Variants in USP34 observed in about 807,000 individuals in gnomAD.
USP34 encodes ubiquitin specific peptidase 34, also known as ubiquitin carboxyl-terminal hydrolase 34.
In USP34, 70 loss-of-function variants were observed where a neutral mutation model predicts 460.3. The ratio of observed to expected loss-of-function variants is 0.15; its 90% CI spans 0.13 to 0.19. USP34 has a LOEUF of 0.19. Among genes scored for constraint, USP34 ranks in the 10% least tolerant of loss-of-function variants. The pLI, the probability that USP34 is intolerant of heterozygous loss-of-function variation, is 1.00. For synonymous variants in USP34, 1,647 were observed against 1,405.3 expected, an observed-to-expected ratio of 1.17 and a Z score of -3.85; for missense variants, 3,985 against 4,236.2, an observed-to-expected ratio of 0.94 and a Z score of 1.65.
In USP34 at chr2:61,190,411, G is replaced by C. The variant is rs1686601485; in HGVS notation, c.9733C>G (p.Gln3245Glu). 6.2e-7 allele frequency: 1 copy of C among 1,602,234 alleles called. No individual in the cohort carries two copies. The highest frequency in any genetic ancestry group is 8.5e-7 in the Non-Finnish European group (1 of 1,176,496). Residue 3245 changes from glutamine (Q) to glutamate (E), a missense_variant, in exon 78 of 80, where the codon CAA becomes GAA. This residue lies in a region of USP34 where 506 missense variants were observed against 439.0 expected (regional missense o/e 1.15). Coordinates refer to ENST00000398571, the MANE Select transcript of USP34 (RefSeq NM_014709.4). Reference protein sequence around the residue: ...TFMTHFLLKVQSQVFSEANCA... With the variant: ...TFMTHFLLKVESQVFSEANCA... ...TTTGCTTCAGAAAACACTTGACTTT[G>C]AACCTGAAAAAGAAGATTTAAAAAA...
intron 37 of USP34, among the ~76,000 whole-genome samples, chr2:61,282,808 A>T (rs1011984495): frequency 2.6e-5 from 4 of 152,278 alleles, no homozygotes; most frequent in African/African-American, 4.8e-5. Context: ...AAGAAAGAAA[A>T]AAAAAAGGCC....
intron 38 of USP34, 52 bp downstream of exon 38, chr2:61,281,038 G>T (rs1466412563): frequency 1.3e-6 from 2 of 1,568,992 alleles, no homozygotes; most frequent in South Asian, 1.2e-5. Flanking sequence ...GTAAACTGAG[G>T]CAAAGGAAAT....
chr2:61,289,488 ACTTT>A (rs1274493568), intron 33 of USP34, among the ~76,000 whole-genome samples: 1 of 152,116 alleles, frequency 6.6e-6, no homozygotes, highest in African/African-American at 2.4e-5. Flanking sequence ...ATAACAGTTC[ACTTT>A]CTTTAATTAG....
intron 5 of USP34, among the ~76,000 whole-genome samples, chr2:61,386,991 A>T (rs998822948): frequency 5.3e-5 from 8 of 152,300 alleles, no homozygotes; most frequent in African/African-American, 1.7e-4. Flanking sequence ...ATATCAAACA[A>T]AACACTTCTA....
At chr2:61,397,482 T>C (rs1007669158) in intron 3 of USP34, among the ~76,000 whole-genome samples, 40 of 146,938 alleles carry the variant, frequency 2.7e-4, no homozygotes, top group Non-Finnish European at 5.4e-4. Context: ...AAGACTGCTT[T>C]TGGCCAGGCC....
At position 61,365,080 on chromosome 2, in the gene USP34, C is replaced by T. The variant is rs1038225628; in HGVS notation, c.1251+5241G>A. ...CAGCCTGACCAACATGGTGAAATCC[C>T]GTCTCTACTAAAACTACAAAAATTA... On this transcript the variant is annotated intron_variant, in intron 10 of 79. Coordinates refer to ENST00000398571, the MANE Select transcript of USP34 (RefSeq NM_014709.4). Among the ~76,000 whole-genome samples, 9 of 152,014 alleles carry T rather than the reference C, an allele frequency of 5.9e-5. No individual in the cohort carries two copies. The South Asian group carries it at 1.0e-3, about 18-fold the overall frequency.
intron 2 of USP34, among the ~76,000 whole-genome samples, chr2:61,407,850 C>T (rs1693923286): frequency 6.6e-6 from 1 of 152,142 alleles, no homozygotes. Context: ...TGTGGTGGCT[C>T]ATGCCTGTAA....
At chr2:61,252,156 G>C (rs1025539142) in intron 48 of USP34, among the ~76,000 whole-genome samples, 1 of 152,122 alleles carries the variant, frequency 6.6e-6, no homozygotes, top group Non-Finnish European at 1.5e-5. Flanking sequence ...TTGGTTCAGA[G>C]TTTTCCTTTC....
At position 61,428,538 on chromosome 2, in the gene USP34, C is replaced by G. The variant is rs529837251; in HGVS notation, c.44-7705G>C. 3.2e-3 allele frequency among the ~76,000 whole-genome samples: 489 copies of G among 152,278 alleles called. 1 individual carries two copies. The highest frequency in any genetic ancestry group is 5.2e-3 in the Non-Finnish European group (355 of 68,030). On this transcript the variant is annotated intron_variant, in intron 1 of 79. Coordinates refer to ENST00000398571, the MANE Select transcript of USP34 (RefSeq NM_014709.4). ...ACCAACCCCATGGAAGAACACAACACAACCTATAAAACAGTCTTGCCAAGA... is the reference window on the plus strand; with the variant it reads ...ACCAACCCCATGGAAGAACACAACAGAACCTATAAAACAGTCTTGCCAAGA...
chr2:61,198,087 A>G (rs1042185457), intron 75 of USP34, among the ~76,000 whole-genome samples: 3 of 152,214 alleles, frequency 2.0e-5, no homozygotes, highest in Non-Finnish European at 4.4e-5. Flanking sequence ...TAATATTAAA[A>G]TAACTTATTA....
At chr2:61,254,546 C>T (rs1688669462) in intron 48 of USP34, among the ~76,000 whole-genome samples, 1 of 152,210 alleles carries the variant, frequency 6.6e-6, no homozygotes, top group Non-Finnish European at 1.5e-5. Context: ...TGCATTCGTT[C>T]TTAGTAACTA....
intron 75 of USP34, among the ~76,000 whole-genome samples, chr2:61,193,721 G>C (rs921416468): frequency 1.3e-5 from 2 of 152,078 alleles, no homozygotes; most frequent in African/African-American, 2.4e-5. Context: ...GGGTCCCCAG[G>C]GCAAGTATAA....
intron 14 of USP34, 101 bp downstream of exon 14, chr2:61,348,655 G>A (rs1422088903): frequency 3.4e-6 from 5 of 1,471,198 alleles, no homozygotes; most frequent in Non-Finnish European, 2.7e-6. Context: ...TAAAGGAGAG[G>A]ACAAGCCCAA....
chr2:61,398,372 A>C (rs1693601977), intron 3 of USP34, among the ~76,000 whole-genome samples: 1 of 146,114 alleles, frequency 6.8e-6, no homozygotes, highest in Non-Finnish European at 1.5e-5. Flanking sequence ...GTGAAAGAGA[A>C]GGAGGAGAGA....
intron 49 of USP34, 78 bp downstream of exon 49, chr2:61,248,433 G>A (rs1054497318): frequency 4.9e-6 from 7 of 1,424,514 alleles, no homozygotes; most frequent in Non-Finnish European, 6.6e-6. Context: ...TGTAGTTGAT[G>A]ACAACTTTAT....
intron 27 of USP34, among the ~76,000 whole-genome samples, chr2:61,310,961 T>A (rs554747417): frequency 6.6e-6 from 1 of 152,248 alleles, no homozygotes; most frequent in East Asian, 1.9e-4. Context: ...AAATGAAGAA[T>A]TTTTTGCAAA....
chr2:61,263,900 C>T (rs768458945), intron 43 of USP34, among the ~76,000 whole-genome samples: 20 of 151,920 alleles, frequency 1.3e-4, no homozygotes, highest in Non-Finnish European at 2.2e-4. Context: ...CTAAAAATAC[C>T]GTTTATGAGA....
At chr2:61,450,851 T>C (rs1482316895) in intron 1 of USP34, among the ~76,000 whole-genome samples, 2 of 150,240 alleles carry the variant, frequency 1.3e-5, no homozygotes, top group Non-Finnish European at 2.9e-5. Context: ...CATAATCCAA[T>C]TTCAATAAAA....
intron 27 of USP34, among the ~76,000 whole-genome samples, chr2:61,306,289 G>A (rs1377080755): frequency 6.6e-6 from 1 of 152,104 alleles, no homozygotes; most frequent in Non-Finnish European, 1.5e-5. Context: ...CCTACATATG[G>A]CTAGCCAGTT....
Sources: allele counts gnomAD v4.1 joint callset (sites outside exome capture counted in the v4.1 genomes callset), GRCh38; gene constraint gnomAD v4.1.1; regional missense constraint gnomAD v4.1.1; transcripts MANE v1.5; gene names NCBI Gene and HGNC (gene_info 2026-07-23, HGNC 2026-07-21).